Variants in TMTC2 observed in about 807,000 individuals in gnomAD.
TMTC2 encodes transmembrane O-mannosyltransferase targeting cadherins 2.
Under a neutral mutation model 82.4 loss-of-function variants are expected in TMTC2, and 43 were observed. The observed-to-expected ratio is 0.52, with a 90% CI of 0.41 to 0.67. The LOEUF is 0.67. TMTC2 is among the 30% of genes least tolerant of loss of function. The probability of loss-of-function intolerance (pLI) is 0.00; values close to 1 mark genes in which losing one functional copy is unlikely to be tolerated. For synonymous variants in TMTC2, 408 were observed against 381.9 expected (o/e 1.07, Z -0.80); for missense variants, 919 against 1,012.4 (o/e 0.91, Z 1.25).
rs1875223333 is a variant in TMTC2, at chr12:82,738,347, C to T, written c.83+50678C>T. On this transcript the variant is annotated intron_variant, in intron 1 of 11. Transcript: ENST00000321196. ...TAGTTTCAGCTACTTGATCAGACCT[C>T]TTTTCCTTCTAGTTAGCTTATTAGG... Among the ~76,000 whole-genome samples the T allele has an allele frequency of 2.0e-5, 3 of 152,200 alleles. No homozygotes were observed. The South Asian group carries it at 6.2e-4, about 32-fold the overall frequency.
At chr12:82,890,492 G>T (rs908787053) in intron 2 of TMTC2, among the ~76,000 whole-genome samples, 7 of 152,154 alleles carry the variant, frequency 4.6e-5, no homozygotes, top group African/African-American at 7.2e-5. Flanking sequence ...CTTGTTTACA[G>T]TGAGGCAAAT....
At chr12:82,745,594 A>G (rs1389221959) in intron 1 of TMTC2, among the ~76,000 whole-genome samples, 1 of 152,228 alleles carries the variant, frequency 6.6e-6, no homozygotes, top group Non-Finnish European at 1.5e-5. Flanking sequence ...GTACATTAGC[A>G]GACAAGAGCC....
chr12:82,910,404 A>G (rs1874572375), intron 3 of TMTC2, among the ~76,000 whole-genome samples: 1 of 151,830 alleles, frequency 6.6e-6, no homozygotes, highest in African/African-American at 2.4e-5. Flanking sequence ...CTCCAACCCC[A>G]CGGCAGTGCC....
At chr12:82,968,854 T>C (rs1250071276) in intron 7 of TMTC2, among the ~76,000 whole-genome samples, 2 of 152,292 alleles carry the variant, frequency 1.3e-5, no homozygotes, top group East Asian at 3.9e-4. Flanking sequence ...GAGAAGGAGA[T>C]GGTTGCTTTG....
At chr12:82,729,260 C>G (rs1257907204) in intron 1 of TMTC2, among the ~76,000 whole-genome samples, 1 of 152,202 alleles carries the variant, frequency 6.6e-6, no homozygotes, top group African/African-American at 2.4e-5. Context: ...CACTCTGTAT[C>G]TACCTCAAGG....
At chr12:82,828,657 C>T (rs1869576292) in intron 1 of TMTC2, among the ~76,000 whole-genome samples, 1 of 152,056 alleles carries the variant, frequency 6.6e-6, no homozygotes. Context: ...AGGTTTCTGT[C>T]CTTAAAATTT....
intron 2 of TMTC2, among the ~76,000 whole-genome samples, chr12:82,871,824 ATATT>A (rs1872195529): frequency 6.6e-6 from 1 of 151,734 alleles, no homozygotes; most frequent in African/African-American, 2.4e-5. Flanking sequence ...TGTTAAATTC[ATATT>A]TATTTATTAA....
rs1445947872 is a variant in TMTC2, at chr12:82,930,287, T to TA, written c.1484-143dup. The TA allele has an allele frequency of 5.9e-6, 3 of 505,414 alleles. No homozygotes were observed. In the South Asian group the frequency reaches 1.1e-4, roughly 18 times the overall value. The allele number at this position is 505,414 out of a possible 1,614,324, so 31.3% of individuals were successfully genotyped here. On this transcript the variant is annotated intron_variant, in intron 3 of 11. Transcript: ENST00000321196. The stretch of plus-strand genomic sequence containing the variant: ...TTAATCTCCTGGCCTGATGAAATGT[T>TA]AGAGTATAAAGGAAATACATTTTCC...
chr12:82,834,582 A>G (rs1395636046), intron 1 of TMTC2, among the ~76,000 whole-genome samples: 1 of 152,190 alleles, frequency 6.6e-6, no homozygotes, highest in Non-Finnish European at 1.5e-5. Context: ...ATTTAAAGAC[A>G]TTTATCATCC....
intron 8 of TMTC2, among the ~76,000 whole-genome samples, chr12:83,020,140 A>T (rs7962681): frequency 6.6e-6 from 1 of 152,100 alleles, no homozygotes; most frequent in East Asian, 1.9e-4. Flanking sequence ...ACCAACTGTT[A>T]TAGGTCAAAT....
At chr12:82,875,480 A>G (rs1411950492) in intron 2 of TMTC2, among the ~76,000 whole-genome samples, 1 of 152,086 alleles carries the variant, frequency 6.6e-6, no homozygotes, top group Non-Finnish European at 1.5e-5. Flanking sequence ...TTCCTACTCC[A>G]TATTGTATCA....
intron 3 of TMTC2, among the ~76,000 whole-genome samples, chr12:82,901,620 C>G (rs527946601): frequency 3.3e-5 from 5 of 152,138 alleles, no homozygotes; most frequent in African/African-American, 1.2e-4. Context: ...CACCTCACCT[C>G]CCAGCTTGTA....
Position 82,992,321 on chromosome 12 carries a change from C to A in TMTC2, c.2070+6275C>A, listed in dbSNP as rs190656001. On this transcript the variant is annotated intron_variant, in intron 8 of 11. Coordinates refer to ENST00000321196, the MANE Select transcript of TMTC2 (RefSeq NM_152588.3). ...AGTTACCTTCATTTTGGAAGCTGAC[C>A]AATATTTGGGTTTTTTTGTTTGTTT... is the stretch of plus-strand genomic sequence containing the variant. 2.4e-3 allele frequency among the ~76,000 whole-genome samples: 361 copies of A among 152,202 alleles called. 3 individuals carry two copies. Among genetic ancestry groups the A allele is most frequent in the African/African-American group, 8.3e-3 (345 of 41,532 alleles).
intron 2 of TMTC2, among the ~76,000 whole-genome samples, chr12:82,886,200 G>A (rs1873091024): frequency 1.3e-5 from 2 of 152,080 alleles, no homozygotes; most frequent in South Asian, 4.1e-4. Context: ...TGTGTTTTGA[G>A]CACTTTCTCC....
chr12:82,714,418 A>T (rs1873799430), intron 1 of TMTC2, among the ~76,000 whole-genome samples: 1 of 152,218 alleles, frequency 6.6e-6, no homozygotes, highest in African/African-American at 2.4e-5. Flanking sequence ...TCTTAAATGT[A>T]GTAGAGTGCT....
At chr12:82,832,312 C>T (rs1423115484) in intron 1 of TMTC2, among the ~76,000 whole-genome samples, 1 of 151,106 alleles carries the variant, frequency 6.6e-6, no homozygotes, top group Non-Finnish European at 1.5e-5. Context: ...CTCATTCTCC[C>T]TTCCCTTCCA....
At chr12:82,823,506 A>G (rs1167625501) in intron 1 of TMTC2, among the ~76,000 whole-genome samples, 12 of 152,222 alleles carry the variant, frequency 7.9e-5, no homozygotes, top group Admixed American at 7.9e-4. Context: ...TGTTAAATCT[A>G]ATTTGCTATG....
intron 11 of TMTC2, among the ~76,000 whole-genome samples, chr12:83,126,667 T>C (rs56145090): frequency 0.29 from 44,505 of 151,854 alleles, 6,956 homozygotes; most frequent in African/African-American, 0.39. Context: ...GATGTGAGTA[T>C]GTATATGGGT....
chr12:82,815,798 C>G (rs1031325264), intron 1 of TMTC2, among the ~76,000 whole-genome samples: 1 of 152,090 alleles, frequency 6.6e-6, no homozygotes, highest in Non-Finnish European at 1.5e-5. Context: ...TTGAATCAAT[C>G]TGAAAGATAA....
Sources: gnomAD v4.1 joint callset for allele counts (sites outside exome capture counted in the v4.1 genomes callset) on GRCh38, gnomAD v4.1.1 for gene constraint, MANE v1.5 for transcripts, NCBI Gene and HGNC (gene_info 2026-07-23, HGNC 2026-07-21) for gene names.